The following ELAPOR2 variants were observed in gnomAD, a reference collection of about 807,000 sequenced individuals.
ELAPOR2 encodes endosome/lysosome-associated apoptosis and autophagy regulator family member 2.
Under a neutral mutation model 120.7 loss-of-function variants are expected in ELAPOR2, and 89 were observed. The observed-to-expected ratio is 0.74, with a 90% CI of 0.62 to 0.88. The LOEUF is 0.88. Among genes scored for constraint, ELAPOR2 ranks in the 40% least tolerant of loss-of-function variants. ELAPOR2 has a pLI of 0.00. For missense variants in ELAPOR2, 1,134 were observed against 1,251.6 expected, an observed-to-expected ratio of 0.91 and a Z score of 1.42; for synonymous variants, 444 against 444.9, an observed-to-expected ratio of 1.00 and a Z score of 0.03.
intron 1 of ELAPOR2, among the ~76,000 whole-genome samples, chr7:87,000,180 G>A (rs1226040746): frequency 2.0e-4 from 28 of 140,886 alleles, no homozygotes; most frequent in South Asian, 2.1e-4. Flanking sequence ...TCTTAGGAAA[G>A]GACATCTTTA....
At chr7:87,013,127 C>G (rs557614447) in intron 1 of ELAPOR2, among the ~76,000 whole-genome samples, 5 of 152,184 alleles carry the variant, frequency 3.3e-5, no homozygotes, top group South Asian at 4.1e-4. Flanking sequence ...TAATATACCA[C>G]AAGAATATAT....
chr7:86,919,111 G>T, intron 11 of ELAPOR2, 109 bp downstream of exon 11: 1 of 669,330 alleles, frequency 1.5e-6, no homozygotes, highest in South Asian at 2.2e-5. Flanking sequence ...TATTTACTAA[G>T]TATTTTTGTA....
In ELAPOR2 at chr7:86,892,383, G is replaced by A. The variant is rs575231091; in HGVS notation, c.2865-494C>T. 6.6e-5 allele frequency among the ~76,000 whole-genome samples: 10 copies of A among 152,112 alleles called. No homozygotes were observed. In the South Asian group the frequency reaches 1.7e-3, roughly 25 times the overall value. On this transcript the variant is annotated intron_variant, in intron 20 of 21. Coordinates refer to ENST00000450689, the MANE Select transcript of ELAPOR2 (RefSeq NM_001142749.3). The stretch of plus-strand genomic sequence containing the variant: ...TATAGGAGTTCCACAGTCCCACTGA[G>A]GTGTAAATCATTCTAAAAGATTCAA...
At chr7:87,059,207 T>A in intron 1 of ELAPOR2, 118 bp downstream of exon 1, 2 of 1,223,070 alleles carry the variant, frequency 1.6e-6, no homozygotes, top group Non-Finnish European at 1.0e-6. Flanking sequence ...CGAAAGCCCC[T>A]GTTCTCCAAG....
At position 86,905,077 on chromosome 7, in the gene ELAPOR2, A is replaced by G. The variant is rs1425267035; in HGVS notation, c.2558+2593T>C. On this transcript the variant is annotated intron_variant, in intron 18 of 21. Transcript: ENST00000450689. ...TGAGAAAGACAGAGAGAGAGAAGGA[A>G]GGAAGGAAGGAAGGAAGGAAGGAAG... Among the ~76,000 whole-genome samples, 477 of 69,750 alleles carry G rather than the reference A, an allele frequency of 6.8e-3. 5 individuals carry two copies. The highest frequency in any genetic ancestry group is 0.032 in the African/African-American group (453 of 14,090). The allele number at this position is 69,750 out of a possible 152,430, so 45.8% of individuals were successfully genotyped here.
At chr7:86,899,442 C>G (rs1362836206) in intron 18 of ELAPOR2, among the ~76,000 whole-genome samples, 1 of 152,100 alleles carries the variant, frequency 6.6e-6, no homozygotes, top group Non-Finnish European at 1.5e-5. Context: ...TGTCCTGAAA[C>G]CCTTAACAGC....
At chr7:87,057,163 A>G (rs1346091070) in intron 1 of ELAPOR2, among the ~76,000 whole-genome samples, 4 of 152,236 alleles carry the variant, frequency 2.6e-5, no homozygotes, top group South Asian at 2.1e-4. Context: ...CCACAATCCC[A>G]TAACTGTATT....
At chr7:86,937,818 T>C (rs1352665894) in intron 8 of ELAPOR2, among the ~76,000 whole-genome samples, 3 of 152,090 alleles carry the variant, frequency 2.0e-5, no homozygotes, top group African/African-American at 4.8e-5. Context: ...GGCACTGGGC[T>C]AGGAACTTTA....
At chr7:87,010,782 T>C (rs1017740278) in intron 1 of ELAPOR2, among the ~76,000 whole-genome samples, 7 of 149,694 alleles carry the variant, frequency 4.7e-5, no homozygotes, top group South Asian at 2.1e-4. Context: ...ACAGATGCCA[T>C]TTTTTTTTTC....
intron 1 of ELAPOR2, among the ~76,000 whole-genome samples, chr7:86,996,326 G>A (rs1634997): frequency 0.38 from 57,511 of 151,880 alleles, 11,730 homozygotes; most frequent in African/African-American, 0.53. Context: ...GCATAGAGGA[G>A]AAATGGACCA....
chr7:86,911,067 G>C (rs1789283901), intron 15 of ELAPOR2, among the ~76,000 whole-genome samples: 1 of 152,086 alleles, frequency 6.6e-6, no homozygotes, highest in Non-Finnish European at 1.5e-5. Flanking sequence ...GAAAGAGATA[G>C]AAGCTAGAGG....
intron 10 of ELAPOR2, among the ~76,000 whole-genome samples, chr7:86,922,028 A>G (rs1291383364): frequency 6.6e-6 from 1 of 152,118 alleles, no homozygotes; most frequent in East Asian, 1.9e-4. Flanking sequence ...TTGACATGTC[A>G]TCAATATAAA....
At chr7:87,000,048 A>G (rs900015785) in intron 1 of ELAPOR2, among the ~76,000 whole-genome samples, 8 of 152,176 alleles carry the variant, frequency 5.3e-5, no homozygotes, top group Non-Finnish European at 1.2e-4. Flanking sequence ...CTTACTGTCC[A>G]TAACCAAAGC....
intron 8 of ELAPOR2, among the ~76,000 whole-genome samples, chr7:86,933,457 G>C (rs1790419886): frequency 6.6e-6 from 1 of 151,894 alleles, no homozygotes; most frequent in South Asian, 2.1e-4. Context: ...AGACTGGTTA[G>C]AACCAAGATA....
chr7:86,907,877 A>G lies in ELAPOR2; in HGVS notation c.2457-106T>C, dbSNP rs537188709. 27 of 532,956 alleles carry G rather than the reference A, an allele frequency of 5.1e-5. No homozygotes were observed. In the East Asian group the frequency reaches 9.4e-4, roughly 18 times the overall value. The allele number at this position is 532,956 out of a possible 1,614,324, so 33.0% of individuals were successfully genotyped here. On this transcript the variant is annotated intron_variant, in intron 17 of 21. Coordinates refer to ENST00000450689, the MANE Select transcript of ELAPOR2 (RefSeq NM_001142749.3). ...AGACTTCATGAACAAATGAAAAAGA[A>G]AAATGTATTAAAGTTCACTAATTTG...
chr7:86,888,898 A>G (rs1299195879), intron 21 of ELAPOR2, among the ~76,000 whole-genome samples: 1 of 152,040 alleles, frequency 6.6e-6, no homozygotes, highest in Non-Finnish European at 1.5e-5. Flanking sequence ...TGTGAATAAC[A>G]CTTTCTTTGC....
chr7:86,927,780 CAT>C lies in ELAPOR2; in HGVS notation c.1090-866_1090-865del, dbSNP rs1402399304. The stretch of plus-strand genomic sequence containing the variant: ...ACAGAAAAGGAATTCTAAATGCAAA[CAT>C]AAAAATAAATCAACTATTTAATAAC... On this transcript the variant is annotated intron_variant, in intron 8 of 21. Coordinates refer to ENST00000450689, the MANE Select transcript of ELAPOR2 (RefSeq NM_001142749.3). 1.1e-4 allele frequency among the ~76,000 whole-genome samples: 16 copies of C among 152,058 alleles called. No homozygotes were observed. The East Asian group carries it at 3.1e-3, about 29-fold the overall frequency.
At position 86,880,354 on chromosome 7, in the gene ELAPOR2, G is replaced by T; in HGVS notation, c.*117C>A. 1 of 769,788 alleles carries T rather than the reference G, an allele frequency of 1.3e-6. No individual in the cohort carries two copies. Among genetic ancestry groups the T allele is most frequent in the Non-Finnish European group, 2.3e-6 (1 of 440,044 alleles). The allele number at this position is 769,788 out of a possible 1,614,324, so 47.7% of individuals were successfully genotyped here. A position where few individuals can be genotyped will look rare whatever the true frequency, so the allele number is the denominator to read the frequency against. ...ATCTCCTTCCCTTTTCAGCGGCATG[G>T]CCCTCCTCTGTGAGATCACCAATGT... On this transcript the variant is annotated 3_prime_UTR_variant, in exon 22 of 22. Transcript: ENST00000450689.
At position 86,914,837 on chromosome 7, in the gene ELAPOR2, A is replaced by G. The variant is rs1336329701; in HGVS notation, c.1617T>C (p.Asn539=). The change falls in exon 13 of 22, where the codon AAT becomes AAC. Residue 539 remains asparagine (N), a synonymous_variant. Coordinates refer to ENST00000450689, the MANE Select transcript of ELAPOR2 (RefSeq NM_001142749.3). ...FMVDINRKST[N]VVESWGGTKE... Reference sequence around the variant, plus strand: ...TGGTTCCACCCCACGATTCTACCACATTTGTACTTTTTCTATTAATATCCT... The same window carrying G: ...TGGTTCCACCCCACGATTCTACCACGTTTGTACTTTTTCTATTAATATCCT... 6.2e-7 allele frequency: 1 copy of G among 1,610,040 alleles called. No homozygotes were observed. Among genetic ancestry groups the G allele is most frequent in the Non-Finnish European group, 8.5e-7 (1 of 1,178,368 alleles).
Sources: gnomAD v4.1 joint callset for allele counts (sites outside exome capture counted in the v4.1 genomes callset) on GRCh38, gnomAD v4.1.1 for gene constraint, MANE v1.5 for transcripts, NCBI Gene and HGNC (gene_info 2026-07-23, HGNC 2026-07-21) for gene names.